The following BCO1 variants were observed in gnomAD, a reference collection of about 807,000 sequenced individuals.
BCO1 encodes the protein beta-carotene oxygenase 1.
A neutral mutation model predicts 56.3 loss-of-function variants in BCO1; 54 were observed. The observed-to-expected ratio is 0.96, with a 90% CI of 0.77 to 1.20. The LOEUF is 1.20. Among genes scored for constraint, BCO1 ranks in the 50% most tolerant of loss-of-function variants. BCO1 has a pLI of 0.00. For missense variants in BCO1, 801 were observed against 690.9 expected (o/e 1.16, Z -1.79); for synonymous variants, 318 against 266.1 (o/e 1.20, Z -1.90).
intron 7 of BCO1, among the ~76,000 whole-genome samples, chr16:81,272,293 AT>A (rs201933399): frequency 0.027 from 4,010 of 148,674 alleles, 61 homozygotes; most frequent in Middle Eastern, 0.032. Context: ...TTTTTTTTGT[AT>A]TTTTTAGTAG....
Position 81,270,322 on chromosome 16 carries a change from A to C in BCO1, c.1007A>C (p.Tyr336Ser), listed in dbSNP as rs776073789. Residue 336 changes from tyrosine to serine, a missense_variant, in exon 7 of 11, where the codon TAC becomes TCC. Physicochemically the swap from Tyr to Ser is moderately radical, Grantham distance 144. Transcript: ENST00000258168. ...GACAACAGCCTCTACCAGCTCTTCT[A>C]CCTGGCCAACCTGAACCAGGACTTC... ...YEDNSLYQLF[Y>S]LANLNQDFKE... 1 of 1,614,110 alleles carries C rather than the reference A, an allele frequency of 6.2e-7. No individual in the cohort carries two copies. The highest frequency in any genetic ancestry group is 8.5e-7 in the Non-Finnish European group (1 of 1,180,030).
intron 4 of BCO1, chr16:81,262,934 C>G (rs1906586745): frequency 1.9e-5 from 3 of 156,534 alleles, no homozygotes; most frequent in African/African-American, 7.3e-5. Flanking sequence ...AAGGTGTCAG[C>G]CCGGCCATGC....
intron 1 of BCO1, among the ~76,000 whole-genome samples, chr16:81,242,067 C>T (rs1351961622): frequency 6.6e-6 from 1 of 151,992 alleles, no homozygotes; most frequent in Non-Finnish European, 1.5e-5. Flanking sequence ...CTATCTAGGG[C>T]TTTAATTATA....
chr16:81,267,785 C>A, intron 5 of BCO1, 123 bp from the exon 6 acceptor site: 1 of 796,996 alleles, frequency 1.3e-6, no homozygotes, highest in Non-Finnish European at 2.1e-6. Flanking sequence ...TCTGTCTACA[C>A]GTTGCTGTTT....
At chr16:81,275,300 C>T (rs1907486125) in intron 7 of BCO1, among the ~76,000 whole-genome samples, 1 of 152,236 alleles carries the variant, frequency 6.6e-6, no homozygotes, top group East Asian at 1.9e-4. Context: ...TTGGGATCCC[C>T]TGGAGAGCCC....
At chr16:81,250,447 C>T (rs368737283) in intron 2 of BCO1, among the ~76,000 whole-genome samples, 8 of 152,206 alleles carry the variant, frequency 5.3e-5, no homozygotes, top group African/African-American at 1.7e-4. Context: ...TGGGAAGATA[C>T]ACCAGAAATG....
intron 4 of BCO1, 102 bp from the exon 5 acceptor site, chr16:81,264,538 A>G (rs983240201): frequency 1.4e-6 from 2 of 1,389,890 alleles, no homozygotes; most frequent in Non-Finnish European, 2.0e-6. Flanking sequence ...TCACGTTTTC[A>G]TAGGACTTCA....
chr16:81,264,374 C>G (rs1417066064), intron 4 of BCO1, among the ~76,000 whole-genome samples: 1 of 152,188 alleles, frequency 6.6e-6, no homozygotes, highest in East Asian at 1.9e-4. Context: ...TCCCTAACTC[C>G]CCTGCAACCT....
chr16:81,248,777 C>T (rs1460396644), intron 2 of BCO1, among the ~76,000 whole-genome samples: 2 of 152,064 alleles, frequency 1.3e-5, no homozygotes, highest in African/African-American at 4.8e-5. Flanking sequence ...TTTGGGGAGC[C>T]AAGGTGGGCA....
intron 6 of BCO1, among the ~76,000 whole-genome samples, chr16:81,269,362 A>G (rs1907044061): frequency 6.7e-6 from 1 of 150,258 alleles, no homozygotes; most frequent in African/African-American, 2.5e-5. Flanking sequence ...CAGTGGTGCG[A>G]TATCAGTTCA....
At chr16:81,264,872 A>AGATC in intron 5 of BCO1, 85 bp downstream of exon 5, 3 of 1,466,810 alleles carry the variant, frequency 2.0e-6, no homozygotes, top group Non-Finnish European at 2.9e-6. Context: ...TGATGACACA[A>AGATC]GATCCAGTGT....
intron 1 of BCO1, among the ~76,000 whole-genome samples, chr16:81,240,433 C>T (rs555151647): frequency 9.2e-5 from 14 of 152,210 alleles, no homozygotes; most frequent in Admixed American, 2.0e-4. Context: ...CGGCCAGGTG[C>T]GGTGGCTCAC....
rs746609569 is a variant in BCO1, at chr16:81,268,054, G to A, written c.766G>A (p.Asp256Asn). ...CTTCCTTGAGCAGCCTTTCAGGTTG[G>A]ATATTCTCAAGATGGCAACCGCATA... ...VIFLEQPFRL[D>N]ILKMATAYIR... Residue 256 changes from aspartate (D) to asparagine (N), a missense_variant, in exon 6 of 11, where the codon GAT becomes AAT. Coordinates refer to ENST00000258168, the MANE Select transcript of BCO1 (RefSeq NM_017429.3). 1.7e-5 allele frequency: 27 copies of A among 1,613,374 alleles called. No individual in the cohort carries two copies. Among genetic ancestry groups the A allele is most frequent in the Non-Finnish European group, 2.3e-5 (27 of 1,180,020 alleles).
At chr16:81,281,430 A>G (rs1567464128) in intron 8 of BCO1, among the ~76,000 whole-genome samples, 1 of 152,188 alleles carries the variant, frequency 6.6e-6, no homozygotes, top group South Asian at 2.1e-4. Flanking sequence ...TGGGCAACAG[A>G]GCAAGACACT....
At chr16:81,264,571 G>C (rs1906690643) in intron 4 of BCO1, 69 bp from the exon 5 acceptor site, 15 of 1,572,408 alleles carry the variant, frequency 9.5e-6, no homozygotes, top group Non-Finnish European at 1.2e-5. Context: ...TGAAAAACCA[G>C]ATGATGTCAT....
chr16:81,262,780 T>C (rs148297648), intron 4 of BCO1: 3,165 of 223,890 alleles, frequency 0.014, 82 homozygotes, highest in African/African-American at 0.068. Context: ...TGAGCCCAGA[T>C]TGCACCACTG....
intron 2 of BCO1, among the ~76,000 whole-genome samples, chr16:81,249,868 G>C (rs1039661153): frequency 1.3e-5 from 2 of 152,138 alleles, no homozygotes; most frequent in African/African-American, 4.8e-5. Context: ...GTGGCATAGG[G>C]TGGGAAGGCC....
intron 2 of BCO1, among the ~76,000 whole-genome samples, chr16:81,255,275 A>G: frequency 6.6e-6 from 1 of 152,170 alleles, no homozygotes; most frequent in Non-Finnish European, 1.5e-5. Flanking sequence ...TTAGATGCCC[A>G]TTGCTGGCCT....
chr16:81,257,299 C>T (rs568109000), intron 2 of BCO1, among the ~76,000 whole-genome samples: 1 of 152,178 alleles, frequency 6.6e-6, no homozygotes, highest in South Asian at 2.1e-4. Context: ...GGGTCTCGCT[C>T]TGTCGTCCAG....
Sources: gnomAD v4.1 joint callset for allele counts (sites outside exome capture counted in the v4.1 genomes callset) on GRCh38, gnomAD v4.1.1 for gene constraint, MANE v1.5 for transcripts, NCBI Gene and HGNC (gene_info 2026-07-23, HGNC 2026-07-21) for gene names.